KAZN: variants seen among roughly 807,000 people sequenced by gnomAD.
KAZN encodes kazrin, periplakin interacting protein.
Under a neutral mutation model 87.4 loss-of-function variants are expected in KAZN, and 40 were observed. The ratio of observed to expected loss-of-function variants is 0.46; its 90% CI spans 0.36 to 0.60. The LOEUF (loss-of-function observed/expected upper bound fraction) is 0.60. Among genes scored for constraint, KAZN ranks in the 20% least tolerant of loss-of-function variants. The pLI is 0.00. For missense variants in KAZN, 898 were observed against 1,073.9 expected (o/e 0.84, Z 2.29); for synonymous variants, 466 against 458.3 (o/e 1.02, Z -0.22).
chr1:14,214,130 T>C (rs1646910166), intron 2 of KAZN, among the ~76,000 whole-genome samples: 1 of 152,186 alleles, frequency 6.6e-6, no homozygotes, highest in Non-Finnish European at 1.5e-5. Flanking sequence ...ATCATCTATG[T>C]ATAATTGATT....
intron 1 of KAZN, among the ~76,000 whole-genome samples, chr1:14,626,462 G>A (rs1490802022): frequency 6.6e-6 from 1 of 152,224 alleles, no homozygotes; most frequent in Non-Finnish European, 1.5e-5. Context: ...TTTCGCAGAT[G>A]AGAAAGTGGA....
rs547773513 is a variant in KAZN at position 14,781,592 on chromosome 1, G to A, written c.227-179092G>A. ...AAAACTGAGGGGTCCAGATAGGAGG[G>A]GACCTTCTCAGTTCTCAAATTCAAG... On this transcript the variant is annotated intron_variant, in intron 1 of 14. Coordinates refer to ENST00000376030, the MANE Select transcript of KAZN (RefSeq NM_201628.3). Among the ~76,000 whole-genome samples, 305 of 152,294 alleles carry A rather than the reference G, an allele frequency of 2.0e-3. 2 individuals carry two copies. Among genetic ancestry groups the A allele is most frequent in the Non-Finnish European group, 3.7e-3 (250 of 68,032 alleles).
chr1:14,721,555 G>A (rs1275792289), intron 1 of KAZN, among the ~76,000 whole-genome samples: 1 of 152,216 alleles, frequency 6.6e-6, no homozygotes, highest in African/African-American at 2.4e-5. Context: ...CCTTGTTCGT[G>A]TTCGAGGTCT....
chr1:14,819,586 C>G (rs1484746940), intron 1 of KAZN, among the ~76,000 whole-genome samples: 1 of 152,074 alleles, frequency 6.6e-6, no homozygotes, highest in East Asian at 1.9e-4. Context: ...GCCAAAGTGC[C>G]CTACAGATTT....
At position 15,056,376 on chromosome 1, in the gene KAZN, A is replaced by T; in HGVS notation, c.916+96A>T. ...GAGAGGCAGCTGCTTTGTTCGTACT[A>T]CAGCAGCTTGGGGGCGTGGGACAGA... On this transcript the variant is annotated intron_variant, in intron 5 of 14. Coordinates refer to ENST00000376030, the MANE Select transcript of KAZN (RefSeq NM_201628.3). The surrounding 1 kb of genome is among the most constrained non-coding windows in gnomAD (Gnocchi z 5.4). 7.8e-7 allele frequency: 1 copy of T among 1,287,168 alleles called. No individual in the cohort carries two copies. The highest frequency in any genetic ancestry group is 1.1e-6 in the Non-Finnish European group (1 of 946,520). The allele number at this position is 1,287,168 out of a possible 1,614,324, so 79.7% of individuals were successfully genotyped here.
chr1:14,146,536 C>CA (rs55928646), intron 1 of KAZN, among the ~76,000 whole-genome samples: 8,138 of 63,374 alleles, frequency 0.13, 430 homozygotes, highest in Admixed American at 0.17. Context: ...AACTCCATCT[C>CA]AAAAAAAAAA....
At position 14,942,212 on chromosome 1, in the gene KAZN, C is replaced by T. The variant is rs144173232; in HGVS notation, c.227-18472C>T. Among the ~76,000 whole-genome samples the T allele has an allele frequency of 1.9e-4, 29 of 152,296 alleles. No individual in the cohort carries two copies. In the East Asian group the frequency reaches 3.9e-3, roughly 20 times the overall value. ...ACCTCCCACCCCTGCCAGCCCTGTA[C>T]GCCCAGGGTGCACATATTTGTCCCC... On this transcript the variant is annotated intron_variant, in intron 1 of 14. Coordinates refer to ENST00000376030, the MANE Select transcript of KAZN (RefSeq NM_201628.3).
At chr1:14,845,445 GTAAA>G (rs1648624265) in intron 1 of KAZN, among the ~76,000 whole-genome samples, 1 of 150,776 alleles carries the variant, frequency 6.6e-6, no homozygotes, top group African/African-American at 2.4e-5. Flanking sequence ...GGACGGATGA[GTAAA>G]TAGGTGGATG....
At chr1:13,923,162 T>C (rs1465514524) in intron 1 of KAZN, among the ~76,000 whole-genome samples, 1 of 152,212 alleles carries the variant, frequency 6.6e-6, no homozygotes, top group Non-Finnish European at 1.5e-5. Context: ...CCGGAAGCCT[T>C]ACTGATAATA....
At chr1:14,586,117 A>G (rs745852706) in intron 2 of KAZN, among the ~76,000 whole-genome samples, 2 of 152,214 alleles carry the variant, frequency 1.3e-5, no homozygotes, top group Non-Finnish European at 2.9e-5. Flanking sequence ...GAAGACTTGT[A>G]AAGTTTGATT....
chr1:14,300,705 G>T (rs1329776052), intron 2 of KAZN, among the ~76,000 whole-genome samples: 2 of 152,230 alleles, frequency 1.3e-5, no homozygotes, highest in Non-Finnish European at 2.9e-5. Context: ...TGTTAACAGA[G>T]AAAGGCAGAC....
chr1:14,631,369 G>A (rs186432154), intron 1 of KAZN, among the ~76,000 whole-genome samples: 1 of 152,280 alleles, frequency 6.6e-6, no homozygotes, highest in East Asian at 1.9e-4. Context: ...ACACCCATAC[G>A]GTCTTTTTCT....
At chr1:14,260,782 A>T (rs1426518357) in intron 2 of KAZN, among the ~76,000 whole-genome samples, 1 of 151,982 alleles carries the variant, frequency 6.6e-6, no homozygotes, top group Non-Finnish European at 1.5e-5. Context: ...CCCTCACCAC[A>T]CACTTGTCAG....
intron 1 of KAZN, among the ~76,000 whole-genome samples, chr1:14,134,086 G>T (rs1367463729): frequency 6.6e-6 from 1 of 152,174 alleles, no homozygotes. Context: ...GAAGTTCTAG[G>T]ATTTAGCTGG....
At chr1:14,034,241 G>A (rs1641448677) in intron 1 of KAZN, among the ~76,000 whole-genome samples, 1 of 152,130 alleles carries the variant, frequency 6.6e-6, no homozygotes, top group Non-Finnish European at 1.5e-5. Context: ...CATTATCACA[G>A]CCAATTTAGA....
intron 1 of KAZN, among the ~76,000 whole-genome samples, chr1:14,821,662 C>G (rs557708286): frequency 1.3e-5 from 2 of 152,208 alleles, no homozygotes; most frequent in African/African-American, 4.8e-5. Flanking sequence ...GAGAAGACAG[C>G]CGTCTACAAG....
chr1:14,479,439 G>C lies in KAZN; in HGVS notation c.250-119544G>C, dbSNP rs1382083957. On this transcript the variant is annotated intron_variant, in intron 2 of 16. Transcript: ENST00000636203. Reference sequence around the variant, plus strand: ...TTAATAGCATTCATAAGAATCAATGGCCTGCCCCAGCTTCTGTTGCAACCT... The same window carrying C: ...TTAATAGCATTCATAAGAATCAATGCCCTGCCCCAGCTTCTGTTGCAACCT... Among the ~76,000 whole-genome samples the C allele has an allele frequency of 3.3e-5, 5 of 152,164 alleles. No individual in the cohort carries two copies. In the East Asian group the frequency reaches 9.6e-4, roughly 29 times the overall value.
intron 1 of KAZN, among the ~76,000 whole-genome samples, chr1:14,134,020 A>G (rs1645052939): frequency 1.3e-5 from 2 of 152,226 alleles, no homozygotes; most frequent in East Asian, 3.8e-4. Flanking sequence ...CATTCATGAC[A>G]TTAAGACATT....
At chr1:14,866,710 G>T (rs978286379) in intron 1 of KAZN, among the ~76,000 whole-genome samples, 5 of 152,200 alleles carry the variant, frequency 3.3e-5, no homozygotes, top group African/African-American at 2.4e-5. Context: ...CTGGGTGACA[G>T]ACTGAGACTG....
Sources: gnomAD v4.1 joint callset for allele counts (sites outside exome capture counted in the v4.1 genomes callset) on GRCh38, gnomAD v4.1.1 for gene constraint, Gnocchi (gnomAD v3.1) non-coding constraint, MANE v1.5 for transcripts, NCBI Gene and HGNC (gene_info 2026-07-23, HGNC 2026-07-21) for gene names.